NAV2: variants seen among roughly 807,000 people sequenced by gnomAD.
NAV2 encodes the protein helicase, APC down-regulated 1.
In NAV2, 54 loss-of-function variants were observed where a neutral mutation model predicts 223.2. The ratio of observed to expected loss-of-function variants is 0.24; its 90% CI spans 0.19 to 0.30. NAV2 has a LOEUF of 0.30. Ranked by LOEUF, NAV2 falls within the 10% of genes least tolerant of loss-of-function variation. The pLI, the probability that NAV2 is intolerant of heterozygous loss-of-function variation, is 1.00. For synonymous variants in NAV2, 1,279 were observed against 1,239.3 expected (o/e 1.03, Z -0.67); for missense variants, 2,806 against 3,147.5 (o/e 0.89, Z 2.60).
chr11:19,896,624 C>T (rs1400016378), intron 6 of NAV2, among the ~76,000 whole-genome samples: 1 of 152,192 alleles, frequency 6.6e-6, no homozygotes. Context: ...TCATAGCCTG[C>T]AATTCATAGG....
At chr11:19,499,393 A>G (rs2042893775) in intron 1 of NAV2, among the ~76,000 whole-genome samples, 1 of 152,236 alleles carries the variant, frequency 6.6e-6, no homozygotes, top group Non-Finnish European at 1.5e-5. Flanking sequence ...TCAAGGTGGG[A>G]AAGGGCAGGT....
rs1463037563 is a variant in NAV2 at position 20,114,624 on chromosome 11, T to C, written c.6993T>C (p.Pro2331=). 2 of 1,614,180 alleles carry C rather than the reference T, an allele frequency of 1.2e-6. No individual in the cohort carries two copies. Among genetic ancestry groups the C allele is most frequent in the Non-Finnish European group, 1.7e-6 (2 of 1,180,018 alleles). The stretch of plus-strand genomic sequence containing the variant: ...GAAGGCGCGCCCCCTGGGAGGATCC[T>C]GCCAAGTGGGTGATGGACACATATC... ...LYGRRAPWED[P]AKWVMDTYPW... is the part of the protein sequence containing the mutation. Residue 2331 remains proline (P), a synonymous_variant, in exon 37 of 38, where the codon CCT becomes CCC. Coordinates refer to ENST00000349880, the MANE Select transcript of NAV2 (RefSeq NM_145117.5).
intron 1 of NAV2, among the ~76,000 whole-genome samples, chr11:19,420,273 A>T (rs547489961): frequency 3.3e-5 from 5 of 152,186 alleles, no homozygotes; most frequent in African/African-American, 4.8e-5. Flanking sequence ...TTAAAAAGAT[A>T]AAAAAATGCC....
At chr11:19,576,316 A>T (rs749451745) in intron 1 of NAV2, among the ~76,000 whole-genome samples, 5 of 152,226 alleles carry the variant, frequency 3.3e-5, no homozygotes, top group Admixed American at 1.3e-4. Context: ...AGTCATAGAG[A>T]GGCTTTCAGC....
chr11:20,035,949 G>C lies in NAV2; in HGVS notation c.2769-10G>C, dbSNP rs1405550417. On this transcript the variant is annotated splice_polypyrimidine_tract_variant and intron_variant, in intron 11 of 37. Coordinates refer to ENST00000349880, the MANE Select transcript of NAV2 (RefSeq NM_145117.5). ...GTTTTGGTGCTCAGGATGTGTGTTT[G>C]TCTTGGCAGCTGGGACGACAGCAGC... 1.9e-6 allele frequency: 3 copies of C among 1,613,946 alleles called. No homozygotes were observed. Among genetic ancestry groups the C allele is most frequent in the Admixed American group, 3.3e-5 (2 of 59,996 alleles).
chr11:19,618,080 T>C (rs984056476), intron 1 of NAV2, among the ~76,000 whole-genome samples: 5 of 152,256 alleles, frequency 3.3e-5, no homozygotes, highest in African/African-American at 1.2e-4. Flanking sequence ...TACTGTTTGT[T>C]GTCTTTCATT....
rs552762826 is a variant in NAV2, at chr11:19,819,646, G to A, written c.268-12838G>A. 2.0e-5 allele frequency among the ~76,000 whole-genome samples: 3 copies of A among 152,304 alleles called. No individual in the cohort carries two copies. The East Asian group carries it at 5.8e-4, about 29-fold the overall frequency. ...CTGATGCACTTGAAGGCATTTTTTA[G>A]GGACATGGAGATGACGGAAATAATG... On this transcript the variant is annotated intron_variant, in intron 1 of 37. Coordinates refer to ENST00000349880, the MANE Select transcript of NAV2 (RefSeq NM_145117.5).
intron 1 of NAV2, among the ~76,000 whole-genome samples, chr11:19,515,023 AG>A (rs2043402172): frequency 6.6e-6 from 1 of 152,212 alleles, no homozygotes; most frequent in Non-Finnish European, 1.5e-5. Flanking sequence ...GTGATAGTTA[AG>A]AGCATGACCT....
At chr11:19,761,096 C>T (rs1448805312) in intron 1 of NAV2, among the ~76,000 whole-genome samples, 1 of 152,124 alleles carries the variant, frequency 6.6e-6, no homozygotes, top group Non-Finnish European at 1.5e-5. Flanking sequence ...GTGGGGAATC[C>T]AACCACAGGG....
chr11:19,869,244 A>G (rs1341273582), intron 4 of NAV2, among the ~76,000 whole-genome samples: 3 of 152,152 alleles, frequency 2.0e-5, no homozygotes, highest in Admixed American at 6.5e-5. Context: ...AAGCTGTCCT[A>G]TTTGAGAAAG....
chr11:19,628,209 A>G (rs553548658), intron 1 of NAV2, among the ~76,000 whole-genome samples: 1 of 152,256 alleles, frequency 6.6e-6, no homozygotes, highest in South Asian at 2.1e-4. Flanking sequence ...GAGGAGTTGG[A>G]CTTGTCCGGT....
intron 1 of NAV2, among the ~76,000 whole-genome samples, chr11:19,362,764 T>C (rs908418436): frequency 1.3e-5 from 2 of 152,160 alleles, no homozygotes; most frequent in South Asian, 2.1e-4. Flanking sequence ...TAACATAGGG[T>C]AATAATAGTA....
At chr11:19,607,239 A>G (rs970675442) in intron 1 of NAV2, among the ~76,000 whole-genome samples, 2 of 152,188 alleles carry the variant, frequency 1.3e-5, no homozygotes, top group African/African-American at 2.4e-5. Context: ...ATCACCCTCA[A>G]TCCTGACTTC....
intron 1 of NAV2, among the ~76,000 whole-genome samples, chr11:19,802,693 G>A (rs1308746487): frequency 2.1e-5 from 3 of 141,718 alleles, no homozygotes; most frequent in Non-Finnish European, 4.5e-5. Context: ...CTGGGTGACA[G>A]AGTGAGACCC....
At chr11:19,849,330 A>G (rs769107594) in intron 3 of NAV2, among the ~76,000 whole-genome samples, 5 of 152,190 alleles carry the variant, frequency 3.3e-5, no homozygotes, top group Non-Finnish European at 5.9e-5. Context: ...ATCTGCAGCT[A>G]CAGCAGAACC....
At chr11:20,087,965 T>A (rs931866420) in intron 26 of NAV2, among the ~76,000 whole-genome samples, 1 of 152,088 alleles carries the variant, frequency 6.6e-6, no homozygotes, top group Non-Finnish European at 1.5e-5. Flanking sequence ...TAGGTACCCA[T>A]TATGTAAATG....
intron 1 of NAV2, among the ~76,000 whole-genome samples, chr11:19,725,843 T>G (rs575694087): frequency 2.6e-5 from 4 of 152,360 alleles, no homozygotes; most frequent in African/African-American, 9.6e-5. Flanking sequence ...AGAACTGGAA[T>G]TCAGTCAGAA....
chr11:19,649,119 T>A (rs1467271575), intron 1 of NAV2, among the ~76,000 whole-genome samples: 1 of 152,224 alleles, frequency 6.6e-6, no homozygotes, highest in East Asian at 1.9e-4. Flanking sequence ...ATCGTAGTGT[T>A]TCTATAGCAT....
chr11:19,357,147 C>T (rs1348055301), intron 1 of NAV2, among the ~76,000 whole-genome samples: 2 of 152,194 alleles, frequency 1.3e-5, no homozygotes, highest in Non-Finnish European at 2.9e-5. Flanking sequence ...GCAGTGCCAG[C>T]CTTCCCACTG....
Sources: gnomAD v4.1 joint callset for allele counts (sites outside exome capture counted in the v4.1 genomes callset) on GRCh38, gnomAD v4.1.1 for gene constraint, MANE v1.5 for transcripts, NCBI Gene and HGNC (gene_info 2026-07-23, HGNC 2026-07-21) for gene names.